Variants in ZIM2 observed in about 807,000 individuals in gnomAD.
The protein encoded by ZIM2 is zinc finger imprinted 2, also known as zinc finger protein 656.
A neutral mutation model predicts 38.6 loss-of-function variants in ZIM2; 14 were observed. The ratio of observed to expected loss-of-function variants is 0.36; its 90% CI spans 0.24 to 0.57. ZIM2 has a LOEUF of 0.57. Among genes scored for constraint, ZIM2 ranks in the 20% least tolerant of loss-of-function variants. The pLI, the probability that ZIM2 is intolerant of heterozygous loss-of-function variation, is 0.81. For synonymous variants in ZIM2, 247 were observed against 245.8 expected (o/e 1.00, Z -0.04); for missense variants, 680 against 695.1 (o/e 0.98, Z 0.24).
rs758509473 is a variant in ZIM2 at position 56,836,062 on chromosome 19, C to G, written c.-271G>C. The G allele has an allele frequency of 3.8e-5, 19 of 506,450 alleles. No homozygotes were observed. The highest frequency in any genetic ancestry group is 6.3e-4 in the Middle Eastern group (2 of 3,158). 31.4% of individuals were successfully genotyped at this position (506,450 alleles called of 1,614,324 possible). On this transcript the variant is annotated 5_prime_UTR_variant, in exon 2 of 13. Transcript: ENST00000629319. ...GTTTGGACCTAGTCCCTCTTCCTCTCGCCAGTCGTCTCCAAGAAGGACGGA... is the reference window on the plus strand; with the variant it reads ...GTTTGGACCTAGTCCCTCTTCCTCTGGCCAGTCGTCTCCAAGAAGGACGGA...
rs151013582 is a variant in ZIM2 at position 56,795,938 on chromosome 19, A to G, written c.491-5987T>C. Among the ~76,000 whole-genome samples, 1,355 of 152,338 alleles carry G rather than the reference A, an allele frequency of 8.9e-3. 19 individuals are homozygous for G. The highest frequency in any genetic ancestry group is 0.031 in the African/African-American group (1,295 of 41,576). ...CTTAGAACTTGAGGATAAGTGGTAA[A>G]AATAAAAAATAACAAACTAATTTCA... is the stretch of plus-strand genomic sequence containing the variant. On this transcript the variant is annotated intron_variant, in intron 9 of 12. Transcript: ENST00000629319.
At chr19:56,791,226 C>T (rs1241795873) in intron 9 of ZIM2, 1 of 152,078 alleles carries the variant, frequency 6.6e-6, no homozygotes, top group Non-Finnish European at 1.5e-5. Flanking sequence ...ATCCTGACTG[C>T]CAATTATTAA....
At chr19:56,807,439 G>A (rs1361325651) in intron 9 of ZIM2, among the ~76,000 whole-genome samples, 2 of 152,146 alleles carry the variant, frequency 1.3e-5, no homozygotes, top group Middle Eastern at 3.2e-3. Flanking sequence ...GCTGTGATAG[G>A]ATAGATTCCC....
chr19:56,802,472 C>T (rs1169881148), intron 9 of ZIM2, among the ~76,000 whole-genome samples: 1 of 152,162 alleles, frequency 6.6e-6, no homozygotes, highest in Non-Finnish European at 1.5e-5. Flanking sequence ...CCTTGCAGTA[C>T]TCCTATCCTC....
intron 9 of ZIM2, among the ~76,000 whole-genome samples, chr19:56,805,012 A>G (rs1027768844): frequency 2.0e-5 from 3 of 152,310 alleles, no homozygotes; most frequent in Admixed American, 2.0e-4. Context: ...ATCAGAGTAG[A>G]CTGGAGGGTT....
At position 56,815,610 on chromosome 19, in the gene ZIM2, A is replaced by G. The variant is rs1017681433; in HGVS notation, c.490+2136T>C. On this transcript the variant is annotated intron_variant, in intron 9 of 12. Transcript: ENST00000629319. The stretch of plus-strand genomic sequence containing the variant: ...GAATTACAGAGGTCTCATTGCTCCT[A>G]TGCTCAATGTATTTCTTTTTAGCAC... 9 of 1,614,068 alleles carry G rather than the reference A, an allele frequency of 5.6e-6. No individual in the cohort carries two copies. In the African/African-American group the frequency reaches 9.3e-5, roughly 17 times the overall value.
chr19:56,821,827 A>G, intron 6 of ZIM2, 73 bp from the exon 7 acceptor site: 1 of 1,522,404 alleles, frequency 6.6e-7, no homozygotes, highest in Non-Finnish European at 9.1e-7. Context: ...GTCCCACTCA[A>G]CTATGAAGCC....
In ZIM2 at chr19:56,836,117, A is replaced by T. The variant is rs2062073445; in HGVS notation, c.-313-13T>A. 3 of 461,590 alleles carry T rather than the reference A, an allele frequency of 6.5e-6. No homozygotes were observed. Among genetic ancestry groups the T allele is most frequent in the Non-Finnish European group, 1.3e-5 (3 of 228,982 alleles). The allele number at this position is 461,590 out of a possible 1,614,324, so 28.6% of individuals were successfully genotyped here. On this transcript the variant is annotated splice_polypyrimidine_tract_variant and intron_variant, in intron 1 of 12. Transcript: ENST00000629319. ...CAAGAAGGCAAAGCTGTAGAGGAAA[A>T]GAAAATGTGAGACGCCAAGTTTATT...
intron 9 of ZIM2, chr19:56,799,531 G>C (rs1011212481): frequency 3.3e-5 from 5 of 152,022 alleles, no homozygotes; most frequent in African/African-American, 1.2e-4. Flanking sequence ...AATGATCTGT[G>C]CTGCAAACCA....
At chr19:56,781,876 G>C (rs940869036) in intron 11 of ZIM2, 77 bp downstream of exon 11, 1 of 1,543,456 alleles carries the variant, frequency 6.5e-7, no homozygotes, top group African/African-American at 1.4e-5. Flanking sequence ...CACCATTACT[G>C]ATGAGAGGAC....
intron 12 of ZIM2, among the ~76,000 whole-genome samples, chr19:56,777,585 G>A (rs569279644): frequency 6.6e-6 from 1 of 152,282 alleles, no homozygotes; most frequent in South Asian, 2.1e-4. Flanking sequence ...TGATGGAAAT[G>A]GTCTACATTT....
intron 9 of ZIM2, chr19:56,811,301 C>G: frequency 1.1e-6 from 1 of 914,886 alleles, no homozygotes; most frequent in Non-Finnish European, 1.3e-6. Context: ...TATTTTTAAA[C>G]AGTTATAATG....
intron 12 of ZIM2, among the ~76,000 whole-genome samples, chr19:56,776,025 C>T (rs2045980524): frequency 6.7e-6 from 1 of 148,164 alleles, no homozygotes; most frequent in African/African-American, 2.5e-5. Flanking sequence ...CGCTTGAACC[C>T]GGGAGGTGGA....
At chr19:56,812,631 G>A in intron 9 of ZIM2, 1 of 985,770 alleles carries the variant, frequency 1.0e-6, no homozygotes. Context: ...AGGAAGTGAT[G>A]AAAGGTTATT....
chr19:56,779,276 C>A, intron 12 of ZIM2, 101 bp downstream of exon 12: 2 of 1,187,912 alleles, frequency 1.7e-6, no homozygotes, highest in Non-Finnish European at 2.4e-6. Context: ...GAAAGGGCAC[C>A]TACCAGACTT....
In ZIM2 at chr19:56,785,268, C is replaced by T. The variant is rs78730724; in HGVS notation, c.571-3147G>A. On this transcript the variant is annotated intron_variant, in intron 10 of 12. Transcript: ENST00000629319. ...CTTATTTATATTCCCTTGGTAGTCC[C>T]TCCAGGGCATCTTTGCTTGGAATCC... 6.2e-3 allele frequency among the ~76,000 whole-genome samples: 948 copies of T among 152,198 alleles called. 4 individuals are homozygous for T. Among genetic ancestry groups the T allele is most frequent in the African/African-American group, 0.021 (891 of 41,516 alleles).
intron 9 of ZIM2, chr19:56,815,389 CTTGT>C (rs781199992): frequency 3.1e-6 from 5 of 1,614,070 alleles, no homozygotes. Flanking sequence ...TTGGGCGTAA[CTTGT>C]TTGAGGGTCA....
chr19:56,775,565 A>G lies in ZIM2; in HGVS notation c.836-36T>C, dbSNP rs776744346. 11 of 1,559,326 alleles carry G rather than the reference A, an allele frequency of 7.1e-6. No individual in the cohort carries two copies. The Middle Eastern group carries it at 5.2e-4, about 74-fold the overall frequency. ...AATGCCAGAAGTTACCTACCGCCCA[A>G]TTATCCAATCCTGCCCCCCAATAAT... On this transcript the variant is annotated intron_variant, in intron 12 of 12. Transcript: ENST00000629319.
At chr19:56,780,188 A>G (rs775169333) in intron 11 of ZIM2, among the ~76,000 whole-genome samples, 1 of 151,434 alleles carries the variant, frequency 6.6e-6, no homozygotes, top group Non-Finnish European at 1.5e-5. Flanking sequence ...GTATTTATTT[A>G]ATGTTTTTCT....
Sources: allele counts gnomAD v4.1 joint callset (sites outside exome capture counted in the v4.1 genomes callset), GRCh38; gene constraint gnomAD v4.1.1; transcripts MANE v1.5; gene names NCBI Gene and HGNC (gene_info 2026-07-23, HGNC 2026-07-21).